NINJ2: variants seen among roughly 807,000 people sequenced by gnomAD.
NINJ2 encodes the protein ninjurin-2.
In NINJ2, 12 loss-of-function variants were observed where a neutral mutation model predicts 11.7. The ratio of observed to expected loss-of-function variants is 1.02; its 90% confidence interval spans 0.66 to 1.66. NINJ2 has a LOEUF of 1.66. Among genes scored for constraint, NINJ2 ranks in the 40% most tolerant of loss-of-function variants. The pLI is 0.00. For synonymous variants in NINJ2, 93 were observed against 76.8 expected, an observed-to-expected ratio of 1.21 and a Z score of -1.10; for missense variants, 187 against 181.8, an observed-to-expected ratio of 1.03 and a Z score of -0.16.
chr12:617,349 C>T (rs1300931637), intron 1 of NINJ2, among the ~76,000 whole-genome samples: 2 of 152,184 alleles, frequency 1.3e-5, no homozygotes, highest in South Asian at 2.1e-4. Flanking sequence ...AGCACGTCCT[C>T]CCCTCACGAA....
Position 566,081 on chromosome 12 carries a change from A to G in NINJ2, c.131T>C (p.Met44Thr). Reference sequence around the variant, plus strand: ...CGCCTTCAGCCGCATGGCGTTGGACATGAACAGGGCCACGTCCAGCATGCT... The same window carrying G: ...CGCCTTCAGCCGCATGGCGTTGGACGTGAACAGGGCCACGTCCAGCATGCT... ...AESMLDVALF[M>T]SNAMRLKAVL... Residue 44 changes from methionine to threonine, a missense_variant, in exon 2 of 4, where the codon ATG becomes ACG. Transcript: ENST00000305108. The G allele has an allele frequency of 6.2e-7, 1 of 1,614,078 alleles. No homozygotes were observed. Among genetic ancestry groups the G allele is most frequent in the Non-Finnish European group, 8.5e-7 (1 of 1,180,002 alleles).
At chr12:569,846 T>C (rs1947352706) in intron 1 of NINJ2, among the ~76,000 whole-genome samples, 1 of 152,198 alleles carries the variant, frequency 6.6e-6, no homozygotes, top group African/African-American at 2.4e-5. Flanking sequence ...CCTCGCTAAA[T>C]GCGGGGCCGA....
chr12:642,961 C>T (rs534820476), intron 1 of NINJ2: 9 of 149,732 alleles, frequency 6.0e-5, no homozygotes, highest in African/African-American at 7.3e-5. Flanking sequence ...ACGCCGCGCC[C>T]GCCGGCCCGG....
At chr12:571,353 CA>C (rs919448182) in intron 1 of NINJ2, among the ~76,000 whole-genome samples, 7 of 151,480 alleles carry the variant, frequency 4.6e-5, no homozygotes, top group African/African-American at 1.5e-4. Flanking sequence ...TGGGATGAGG[CA>C]GGGGGGTGGG....
intron 1 of NINJ2, among the ~76,000 whole-genome samples, chr12:578,155 G>A (rs1484183318): frequency 1.3e-5 from 2 of 152,018 alleles, no homozygotes; most frequent in Non-Finnish European, 1.5e-5. Flanking sequence ...CCCCGGTCAC[G>A]TACCCCCTGA....
chr12:586,333 T>A (rs1025478917), intron 1 of NINJ2: 1 of 152,208 alleles, frequency 6.6e-6, no homozygotes, highest in African/African-American at 2.4e-5. Flanking sequence ...GCTTCATTAT[T>A]TCCATCCCGG....
intron 1 of NINJ2, among the ~76,000 whole-genome samples, chr12:629,382 G>A (rs563476562): frequency 3.3e-5 from 5 of 152,152 alleles, no homozygotes; most frequent in East Asian, 3.9e-4. Flanking sequence ...TGGCCACTGC[G>A]ATGCCACCTG....
chr12:663,426 G>C lies in NINJ2; in HGVS notation c.-66C>G, dbSNP rs778050032. ...GAACAGACTGCGTGGGCTCCTCCAG[G>C]CTCCGCCGTCTGAGTCTCTGCTGCT... On this transcript the variant is annotated 5_prime_UTR_variant, in exon 1 of 4. Transcript: ENST00000305108. 1 of 1,614,092 alleles carries C rather than the reference G, an allele frequency of 6.2e-7. No homozygotes were observed. Among genetic ancestry groups the C allele is most frequent in the East Asian group, 2.2e-5 (1 of 44,882 alleles).
chr12:607,525 C>G (rs1424085106), intron 1 of NINJ2, among the ~76,000 whole-genome samples: 2 of 152,188 alleles, frequency 1.3e-5, no homozygotes, highest in Non-Finnish European at 2.9e-5. Context: ...AGGTTCAGCT[C>G]TACTCCAGGA....
At chr12:610,542 G>T in intron 1 of NINJ2, 1 of 1,473,570 alleles carries the variant, frequency 6.8e-7, no homozygotes. Context: ...GCATGCAGCA[G>T]ATGCCCACCA....
At position 565,333 on chromosome 12, in the gene NINJ2, A is replaced by G. The variant is rs763952330; in HGVS notation, c.331T>C (p.Leu111=). ...TTGATGACCACAGTGAAGAAGACCA[A>G]GATGGTGGCTGCGTTGTTGAGCTGG... ...LNQLNNAATI[L]VFFTVVINVF... Residue 111 remains leucine (L), a synonymous_variant, in exon 3 of 4, where the codon TTG becomes CTG. Coordinates refer to ENST00000305108, the MANE Select transcript of NINJ2 (RefSeq NM_016533.6). 6.2e-6 allele frequency: 10 copies of G among 1,614,238 alleles called. No individual in the cohort carries two copies. The Admixed American group carries it at 1.5e-4, about 24-fold the overall frequency.
chr12:635,961 C>T (rs1338357668), intron 1 of NINJ2, among the ~76,000 whole-genome samples: 2 of 151,788 alleles, frequency 1.3e-5, no homozygotes, highest in Non-Finnish European at 2.9e-5. Flanking sequence ...CCTGTAATCC[C>T]AGCTACTCAG....
At chr12:565,694 C>G in intron 2 of NINJ2, 1 of 616,722 alleles carries the variant, frequency 1.6e-6, no homozygotes, top group South Asian at 1.9e-5. Context: ...TAGCAGTTAG[C>G]GAGGTGCTGG....
Position 585,530 on chromosome 12 carries a change from C to T in NINJ2, c.34-19352G>A, listed in dbSNP as rs1076417. 1.8e-4 allele frequency among the ~76,000 whole-genome samples: 15 copies of T among 85,354 alleles called. No homozygotes were observed. The highest frequency in any genetic ancestry group is 8.2e-4 in the East Asian group (2 of 2,444). 56.0% of individuals were successfully genotyped at this position (85,354 alleles called of 152,430 possible). A position where few individuals can be genotyped will look rare whatever the true frequency, so the allele number is the denominator to read the frequency against. On this transcript the variant is annotated intron_variant, in intron 1 of 3. Transcript: ENST00000305108. The surrounding 1 kb of genome is among the most constrained non-coding windows in gnomAD (Gnocchi z 4.1). ...AACGGTTGGAGGGAAGGGAAGGGAA[C>T]GGTTGGAGGGAAGGGAAGGGAACGG... is the stretch of plus-strand genomic sequence containing the variant.
At chr12:637,761 C>A (rs1464718287) in intron 1 of NINJ2, among the ~76,000 whole-genome samples, 2 of 152,116 alleles carry the variant, frequency 1.3e-5, no homozygotes, top group African/African-American at 4.8e-5. Flanking sequence ...CAACCCAATT[C>A]CCTGTGGCAA....
At chr12:650,959 C>G (rs1320624438) in intron 1 of NINJ2, among the ~76,000 whole-genome samples, 3 of 152,136 alleles carry the variant, frequency 2.0e-5, no homozygotes, top group African/African-American at 7.2e-5. Context: ...TCATGGCTTA[C>G]TGGGGCAGAC....
chr12:616,724 G>A (rs376550303), intron 1 of NINJ2, among the ~76,000 whole-genome samples: 1 of 152,214 alleles, frequency 6.6e-6, no homozygotes, highest in East Asian at 1.9e-4. Context: ...GAAACTGCTA[G>A]TGTTCTCCTC....
At chr12:588,481 A>C (rs140728782) in intron 1 of NINJ2, among the ~76,000 whole-genome samples, 1 of 152,224 alleles carries the variant, frequency 6.6e-6, no homozygotes, top group African/African-American at 2.4e-5. Flanking sequence ...AGAACACTTT[A>C]TATATCTGAA....
intron 1 of NINJ2, among the ~76,000 whole-genome samples, chr12:660,180 TAGGAGGCTGAGGC>T (rs1937939144): frequency 6.6e-6 from 1 of 151,186 alleles, no homozygotes; most frequent in African/African-American, 2.4e-5. Flanking sequence ...CCCAGCTATT[TAGGAGGCTGAGGC>T]AGGAGGATAA....
Sources: gnomAD v4.1 joint callset for allele counts (sites outside exome capture counted in the v4.1 genomes callset) on GRCh38, gnomAD v4.1.1 for gene constraint, Gnocchi (gnomAD v3.1) non-coding constraint, MANE v1.5 for transcripts, NCBI Gene and HGNC (gene_info 2026-07-23, HGNC 2026-07-21) for gene names.